COG3: variants seen among roughly 807,000 people sequenced by gnomAD.
The protein encoded by COG3 is conserved oligomeric Golgi complex subunit 3.
A neutral mutation model predicts 114.1 loss-of-function variants in COG3; 32 were observed. That is an observed-to-expected ratio of 0.28 (90% CI 0.21 to 0.38). The LOEUF (loss-of-function observed/expected upper bound fraction) is 0.38. COG3 is among the 10% of genes least tolerant of loss of function. The probability of loss-of-function intolerance (pLI) is 1.00; values close to 1 mark genes in which losing one functional copy is unlikely to be tolerated. For synonymous variants in COG3, 352 were observed against 365.7 expected (o/e 0.96, Z 0.43); for missense variants, 813 against 973.2 (o/e 0.84, Z 2.19).
intron 14 of COG3, among the ~76,000 whole-genome samples, chr13:45,505,447 G>A (rs553273461): frequency 6.6e-6 from 1 of 151,310 alleles, no homozygotes; most frequent in African/African-American, 2.4e-5. Flanking sequence ...GACTACAGGT[G>A]CACACCAGCA....
At chr13:45,509,128 C>A (rs2137878341) in intron 14 of COG3, among the ~76,000 whole-genome samples, 1 of 151,912 alleles carries the variant, frequency 6.6e-6, no homozygotes, top group East Asian at 1.9e-4. Flanking sequence ...TAACCTCCGG[C>A]TCCCAGGTTC....
chr13:45,516,113 T>G (rs1871512472), intron 16 of COG3, 30 bp from the exon 17 acceptor site: 1 of 1,485,904 alleles, frequency 6.7e-7, no homozygotes, highest in Non-Finnish European at 9.2e-7. Context: ...TAATATGTGA[T>G]CATATCCATT....
At position 45,512,330 on chromosome 13, in the gene COG3, C is replaced by A. The variant is rs148216863; in HGVS notation, c.1809+476C>A. Reference sequence around the variant, plus strand: ...GGAGTCACCATGACTGTATGGCTTACAATTTTGTTTGTTTGTTTTGAGACA... The same window carrying A: ...GGAGTCACCATGACTGTATGGCTTAAAATTTTGTTTGTTTGTTTTGAGACA... On this transcript the variant is annotated intron_variant, in intron 16 of 22. Coordinates refer to ENST00000349995, the MANE Select transcript of COG3 (RefSeq NM_031431.4). 6.0e-3 allele frequency among the ~76,000 whole-genome samples: 906 copies of A among 152,134 alleles called. 5 individuals carry two copies. The highest frequency in any genetic ancestry group is 8.7e-3 in the Non-Finnish European group (592 of 68,006).
chr13:45,475,402 C>T (rs567510231), intron 1 of COG3, among the ~76,000 whole-genome samples: 2 of 151,870 alleles, frequency 1.3e-5, no homozygotes, highest in African/African-American at 4.8e-5. Flanking sequence ...GGGGGTGTCA[C>T]TATGTTGCCC....
rs1289681835 is a variant in COG3, at chr13:45,503,449, T to G, written c.1594+100T>G. The G allele has an allele frequency of 6.0e-6, 4 of 665,552 alleles. No individual in the cohort carries two copies. In the Admixed American group the frequency reaches 9.5e-5, roughly 16 times the overall value. The allele number at this position is 665,552 out of a possible 1,614,324, so 41.2% of individuals were successfully genotyped here. ...CCAGACATGAAAAACAACTTGTGCC[T>G]TTGAGGAGCCCACACTTTATGGGGG... On this transcript the variant is annotated intron_variant, in intron 14 of 22. Transcript: ENST00000349995.
intron 19 of COG3, among the ~76,000 whole-genome samples, chr13:45,524,393 A>G (rs1473999525): frequency 1.3e-5 from 2 of 152,162 alleles, no homozygotes; most frequent in Non-Finnish European, 2.9e-5. Flanking sequence ...TACTGCTGCT[A>G]AGGAATGAAA....
rs1235280302 is a variant in COG3, at chr13:45,465,014, T to C, written c.-23T>C. On this transcript the variant is annotated 5_prime_UTR_variant, in exon 1 of 23. Transcript: ENST00000349995. ...GGGGTCCCCTCCATCTCGCTGCTGCTGAAGGCCGCGAGGGCGGCGGCGATG... is the reference window on the plus strand; with the variant it reads ...GGGGTCCCCTCCATCTCGCTGCTGCCGAAGGCCGCGAGGGCGGCGGCGATG... The C allele has an allele frequency of 1.3e-6, 2 of 1,550,480 alleles. No homozygotes were observed. Among genetic ancestry groups the C allele is most frequent in the Non-Finnish European group, 8.7e-7 (1 of 1,149,058 alleles).
intron 2 of COG3, among the ~76,000 whole-genome samples, chr13:45,478,445 C>T (rs1045946360): frequency 1.3e-5 from 2 of 151,242 alleles, no homozygotes; most frequent in Non-Finnish European, 2.9e-5. Flanking sequence ...TCCGAAAGTG[C>T]TGAGATTACA....
intron 16 of COG3, among the ~76,000 whole-genome samples, chr13:45,514,506 G>A (rs1284802972): frequency 6.6e-6 from 1 of 151,930 alleles, no homozygotes; most frequent in Non-Finnish European, 1.5e-5. Flanking sequence ...TTGATAGTTC[G>A]GTCTTTTGCC....
At chr13:45,492,438 TA>T (rs3839988) in intron 11 of COG3, among the ~76,000 whole-genome samples, 188 bp downstream of exon 11, 23,429 of 152,140 alleles carry the variant, frequency 0.15, 2,971 homozygotes, top group African/African-American at 0.35. Flanking sequence ...ATGTGCAACT[TA>T]ACATGCTTTT....
intron 10 of COG3, 55 bp from the exon 11 acceptor site, chr13:45,492,104 C>T: frequency 1.9e-6 from 2 of 1,044,950 alleles, no homozygotes; most frequent in South Asian, 1.4e-5. Context: ...ATTTCATAAA[C>T]ATCAGAAATG....
intron 16 of COG3, among the ~76,000 whole-genome samples, chr13:45,512,959 T>C (rs1871034116): frequency 6.8e-6 from 1 of 148,116 alleles, no homozygotes; most frequent in Non-Finnish European, 1.5e-5. Flanking sequence ...TGAAGGCTGC[T>C]GGCATGTGCT....
intron 7 of COG3, among the ~76,000 whole-genome samples, chr13:45,484,319 G>A (rs1886433323): frequency 6.6e-6 from 1 of 152,082 alleles, no homozygotes; most frequent in South Asian, 2.1e-4. Flanking sequence ...CTAGTGCTTT[G>A]CTATTGAGCT....
At chr13:45,483,412 C>G (rs1434485330) in intron 7 of COG3, 57 bp downstream of exon 7, 2 of 1,401,358 alleles carry the variant, frequency 1.4e-6, no homozygotes, top group Admixed American at 2.5e-5. Context: ...TTGATTCATT[C>G]ATCTTCCATA....
At chr13:45,529,195 T>G (rs1872949370) in intron 20 of COG3, among the ~76,000 whole-genome samples, 1 of 152,246 alleles carries the variant, frequency 6.6e-6, no homozygotes, top group African/African-American at 2.4e-5. Context: ...TTCTTTTAAA[T>G]ACTTCCTACA....
chr13:45,508,999 T>C (rs969336293), intron 14 of COG3, among the ~76,000 whole-genome samples: 2 of 151,006 alleles, frequency 1.3e-5, no homozygotes, highest in Non-Finnish European at 2.9e-5. Flanking sequence ...CTCCACAGGC[T>C]CCCACCTGCT....
intron 9 of COG3, 152 bp from the exon 10 acceptor site, chr13:45,491,260 T>C (rs1887002435): frequency 5.8e-6 from 4 of 690,352 alleles, no homozygotes; most frequent in Non-Finnish European, 9.4e-6. Flanking sequence ...TTGTTTTGTG[T>C]CTGTATTTCT....
intron 14 of COG3, 120 bp downstream of exon 14, chr13:45,503,469 TG>T: frequency 3.4e-6 from 2 of 592,254 alleles, no homozygotes; most frequent in East Asian, 2.9e-5. Context: ...CCACACTTTA[TG>T]GGGGGAGATT....
chr13:45,481,175 A>G (rs1459757166), intron 4 of COG3, 55 bp from the exon 5 acceptor site: 3 of 915,594 alleles, frequency 3.3e-6, no homozygotes, highest in Non-Finnish European at 5.3e-6. Flanking sequence ...TGAGACTGGC[A>G]TGTTGATTCT....
Sources: gnomAD v4.1 joint callset for allele counts (sites outside exome capture counted in the v4.1 genomes callset) on GRCh38, gnomAD v4.1.1 for gene constraint, MANE v1.5 for transcripts, NCBI Gene and HGNC (gene_info 2026-07-23, HGNC 2026-07-21) for gene names.